Variants in EPHB1 observed in about 807,000 individuals in gnomAD.
The protein encoded by EPHB1 is EPH receptor B1, also known as ephrin type-B receptor 1.
Under a neutral mutation model 94.4 loss-of-function variants are expected in EPHB1, and 30 were observed. That is an observed-to-expected ratio of 0.32 (90% CI 0.24 to 0.43). The LOEUF (loss-of-function observed/expected upper bound fraction) is 0.43. Ranked by LOEUF, EPHB1 falls within the 20% of genes least tolerant of loss-of-function variation. EPHB1 has a pLI of 1.00. For missense variants in EPHB1, 1,055 were observed against 1,308.3 expected, an observed-to-expected ratio of 0.81 and a Z score of 2.99; for synonymous variants, 522 against 489.1, an observed-to-expected ratio of 1.07 and a Z score of -0.89.
Position 135,200,797 on chromosome 3 carries a change from G to C in EPHB1, c.2131-677G>C, listed in dbSNP as rs781580776. On this transcript the variant is annotated intron_variant, in intron 11 of 15. Transcript: ENST00000398015. Reference sequence around the variant, plus strand: ...ATGAGAAAGTGCTAATCATATTTTGGGGGGGAGTTAAAGGGATGTCCTCTC... The same window carrying C: ...ATGAGAAAGTGCTAATCATATTTTGCGGGGGAGTTAAAGGGATGTCCTCTC... Among the ~76,000 whole-genome samples the C allele has an allele frequency of 2.2e-4, 34 of 152,260 alleles. 1 individual carries two copies. Among genetic ancestry groups the C allele is most frequent in the Admixed American group, 1.0e-3 (16 of 15,298 alleles).
chr3:135,197,083 C>A (rs1368198929), intron 11 of EPHB1, among the ~76,000 whole-genome samples: 47 of 150,214 alleles, frequency 3.1e-4, no homozygotes, highest in Admixed American at 2.5e-3. Flanking sequence ...TATAGCGAGA[C>A]CCCGTTCTCC....
intron 3 of EPHB1, among the ~76,000 whole-genome samples, chr3:135,039,204 T>TAA (rs1936747650): frequency 1.3e-5 from 2 of 152,042 alleles, no homozygotes; most frequent in Non-Finnish European, 2.9e-5. Flanking sequence ...ACATAAAGGT[T>TAA]CTCCACGTCC....
chr3:135,070,625 G>T (rs561082068), intron 3 of EPHB1, among the ~76,000 whole-genome samples: 2 of 152,042 alleles, frequency 1.3e-5, no homozygotes, highest in Non-Finnish European at 2.9e-5. Flanking sequence ...ATTATTATGA[G>T]GAGTTTGGGA....
intron 3 of EPHB1, among the ~76,000 whole-genome samples, chr3:134,991,350 TTC>T (rs1437217891): frequency 2.0e-5 from 3 of 152,152 alleles, no homozygotes; most frequent in African/African-American, 7.2e-5. Flanking sequence ...TATCACTGTC[TTC>T]TCTCTCTCTT....
At chr3:135,027,643 C>G (rs1341732891) in intron 3 of EPHB1, among the ~76,000 whole-genome samples, 2 of 151,640 alleles carry the variant, frequency 1.3e-5, no homozygotes, top group Admixed American at 6.6e-5. Context: ...ATTTTTGCAT[C>G]AATGTTCATC....
rs115078743 is a variant in EPHB1 at position 134,995,445 on chromosome 3, G to A, written c.805+43393G>A. Among the ~76,000 whole-genome samples the A allele has an allele frequency of 8.0e-3, 1,224 of 152,234 alleles. 17 individuals are homozygous for A. Among genetic ancestry groups the A allele is most frequent in the African/African-American group, 0.028 (1,167 of 41,516 alleles). ...GTTTTGGGCAATTAAGAATGAAGCT[G>A]CTATAACATTCATGTACATGTTTTT... On this transcript the variant is annotated intron_variant, in intron 3 of 15. Transcript: ENST00000398015.
At chr3:134,991,341 A>G (rs776863604) in intron 3 of EPHB1, among the ~76,000 whole-genome samples, 58 of 152,194 alleles carry the variant, frequency 3.8e-4, no homozygotes, top group Admixed American at 2.0e-4. Context: ...TTGATGCACT[A>G]TCACTGTCTT....
intron 9 of EPHB1, among the ~76,000 whole-genome samples, chr3:135,178,797 C>T (rs971508769): frequency 6.6e-6 from 1 of 152,148 alleles, no homozygotes; most frequent in Non-Finnish European, 1.5e-5. Context: ...CCTTCCCCTG[C>T]TGACCTGACT....
chr3:135,231,146 G>C (rs1407256098), intron 12 of EPHB1, among the ~76,000 whole-genome samples: 1 of 152,214 alleles, frequency 6.6e-6, no homozygotes, highest in Non-Finnish European at 1.5e-5. Context: ...CTGGCTCAGA[G>C]AGGGGCCTGC....
In EPHB1 at chr3:135,209,712, G is replaced by T. The variant is rs527459810; in HGVS notation, c.2346+8023G>T. ...GTTGGGCTGGAATAGGGTGCCTAAG[G>T]GAAGAGTGTACAGGCATTCATTGTA... On this transcript the variant is annotated intron_variant, in intron 12 of 15. Coordinates refer to ENST00000398015, the MANE Select transcript of EPHB1 (RefSeq NM_004441.5). 3.3e-4 allele frequency among the ~76,000 whole-genome samples: 51 copies of T among 152,290 alleles called. No individual in the cohort carries two copies. In the South Asian group the frequency reaches 7.1e-3, roughly 21 times the overall value.
chr3:134,898,068 T>C (rs1432361530), intron 1 of EPHB1, among the ~76,000 whole-genome samples: 1 of 152,108 alleles, frequency 6.6e-6, no homozygotes, highest in Non-Finnish European at 1.5e-5. Context: ...CCAGCTGACA[T>C]CGATTCCGGA....
At chr3:134,839,092 A>C (rs1238654401) in intron 1 of EPHB1, among the ~76,000 whole-genome samples, 6 of 152,168 alleles carry the variant, frequency 3.9e-5, no homozygotes, top group African/African-American at 1.4e-4. Flanking sequence ...ACCTCATTTG[A>C]TTCTCAATAT....
At chr3:135,195,493 C>T (rs1489762366) in intron 11 of EPHB1, among the ~76,000 whole-genome samples, 1 of 150,992 alleles carries the variant, frequency 6.6e-6, no homozygotes, top group African/African-American at 2.5e-5. Context: ...CATCTCCCCA[C>T]CCCACCACAG....
intron 3 of EPHB1, among the ~76,000 whole-genome samples, chr3:135,079,722 T>C (rs1372336452): frequency 6.6e-6 from 1 of 151,958 alleles, no homozygotes; most frequent in Non-Finnish European, 1.5e-5. Flanking sequence ...AATTTGTGAG[T>C]GTGTGGTTGT....
chr3:134,802,740 G>T (rs887108244), intron 1 of EPHB1, among the ~76,000 whole-genome samples: 1 of 152,142 alleles, frequency 6.6e-6, no homozygotes, highest in African/African-American at 2.4e-5. Flanking sequence ...TTCTAACTTT[G>T]TGAATGAGAA....
chr3:135,190,056 A>G (rs1198807268), intron 10 of EPHB1, among the ~76,000 whole-genome samples: 1 of 152,216 alleles, frequency 6.6e-6, no homozygotes, highest in African/African-American at 2.4e-5. Context: ...CAACTGAAAC[A>G]TAGCTATCTA....
chr3:135,017,666 C>G (rs914259052), intron 3 of EPHB1, among the ~76,000 whole-genome samples: 2 of 152,134 alleles, frequency 1.3e-5, no homozygotes, highest in African/African-American at 4.8e-5. Context: ...CTCCTATGCT[C>G]CCCTCCCTGT....
chr3:134,801,141 AG>A (rs1315471050), intron 1 of EPHB1, among the ~76,000 whole-genome samples: 1 of 152,184 alleles, frequency 6.6e-6, no homozygotes, highest in Non-Finnish European at 1.5e-5. Flanking sequence ...AGAAGAGATG[AG>A]CAAAATGTTC....
rs546126258 is a variant in EPHB1, at chr3:135,246,998, T to A, written c.2497-1318T>A. On this transcript the variant is annotated intron_variant, in intron 13 of 15. Coordinates refer to ENST00000398015, the MANE Select transcript of EPHB1 (RefSeq NM_004441.5). ...TATAAAGTATATAAAAAAGAAAGAATAATCAGTTGAAATGAATCTCATTAT... is the reference window on the plus strand; with the variant it reads ...TATAAAGTATATAAAAAAGAAAGAAAAATCAGTTGAAATGAATCTCATTAT... Among the ~76,000 whole-genome samples the A allele has an allele frequency of 9.2e-5, 14 of 152,278 alleles. No homozygotes were observed. In the South Asian group the frequency reaches 2.7e-3, roughly 29 times the overall value.
Sources: allele counts gnomAD v4.1 joint callset (sites outside exome capture counted in the v4.1 genomes callset), GRCh38; gene constraint gnomAD v4.1.1; transcripts MANE v1.5; gene names NCBI Gene and HGNC (gene_info 2026-07-23, HGNC 2026-07-21).